Variants in ALG13 observed in about 807,000 individuals in gnomAD.
The protein encoded by ALG13 is ALG13 UDP-N-acetylglucosaminyltransferase subunit, also known as UDP-N-acetylglucosamine transferase subunit ALG13.
ALG13 carries 11 observed loss-of-function variants against 87.8 expected under a neutral mutation model. That is an observed-to-expected ratio of 0.13 (90% confidence interval 0.08 to 0.21). ALG13 has a LOEUF of 0.21. Among genes scored for constraint, ALG13 ranks in the 10% least tolerant of loss-of-function variants. The pLI is 1.00. For missense variants in ALG13, 756 were observed against 866.1 expected, an observed-to-expected ratio of 0.87 and a Z score of 1.60; for synonymous variants, 320 against 306.3, an observed-to-expected ratio of 1.04 and a Z score of -0.47.
intron 3 of ALG13, among the ~76,000 whole-genome samples, chrX:111,703,915 C>A (rs181500082): frequency 2.7e-5 from 3 of 111,993 alleles, no homozygotes; most frequent in East Asian, 5.6e-4. Context: ...TAATTCTGTT[C>A]AATTTTATAA....
In ALG13 at chrX:111,757,653, A is replaced by G. The variant is rs183032531; in HGVS notation, c.3039A>G (p.Val1013=). The G allele has an allele frequency of 6.3e-4, 766 of 1,207,045 alleles. 5 individuals are homozygous for G. In the African/African-American group the frequency reaches 0.012, roughly 19 times the overall value. ...YVPQMQQQLH[V]ENYPVYTEPP... The stretch of plus-strand genomic sequence containing the variant: ...CACAGATGCAGCAGCAGCTTCATGT[A>G]GAGAATTATCCAGTCTATACTGAGC... The change falls in exon 26 of 27, where the codon GTA becomes GTG. Residue 1013 remains valine (V), a synonymous_variant. Transcript: ENST00000394780.
intron 3 of ALG13, among the ~76,000 whole-genome samples, chrX:111,701,274 A>G (rs983153224): frequency 1.5e-4 from 17 of 112,072 alleles, no homozygotes; most frequent in Admixed American, 1.3e-3. Flanking sequence ...GAAAGAGCTT[A>G]AGAAGGATTG....
At chrX:111,690,425 G>A in intron 3 of ALG13, 1 of 745,337 alleles carries the variant, frequency 1.3e-6, no homozygotes, top group Non-Finnish European at 1.6e-6. Flanking sequence ...GTTTTGGGAT[G>A]ACCTTGGGAA....
chrX:111,725,150 A>G (rs1293493516), intron 15 of ALG13, 89 bp downstream of exon 15: 20 of 1,043,629 alleles, frequency 1.9e-5, no homozygotes, highest in South Asian at 1.4e-4. Context: ...AATGTATGTC[A>G]TATGTCTTGT....
In ALG13 at chrX:111,728,295, G is replaced by T. The variant is rs748925810; in HGVS notation, c.2358G>T (p.Gln786His). The part of the protein sequence containing the change: ...QTLNLEEGNG[Q>H]SENGRYHEEY... ...TGAATTTAGAGGAGGGCAATGGCCA[G>T]AGTGAAAATGGTGAGTCAATTACAG... is the stretch of plus-strand genomic sequence containing the variant. The change falls in exon 19 of 27, where the codon CAG becomes CAT. Residue 786 changes from glutamine (Q) to histidine (H), a missense_variant. Around this residue, in one of 9 missense-constraint regions of ALG13, gnomAD observed 362 missense variants for 383.5 expected, o/e 0.94. Coordinates refer to ENST00000394780, the MANE Select transcript of ALG13 (RefSeq NM_001099922.3). 2.1e-5 allele frequency: 25 copies of T among 1,209,984 alleles called. No individual in the cohort carries two copies. The East Asian group carries it at 7.4e-4, about 36-fold the overall frequency.
At chrX:111,734,944 T>C in intron 21 of ALG13, 107 bp from the exon 22 acceptor site, 1 of 530,960 alleles carries the variant, frequency 1.9e-6, no homozygotes, top group Non-Finnish European at 3.1e-6. Flanking sequence ...ACTTCCAAAT[T>C]TGAATTTTTT....
rs1934561313 is a variant in ALG13, at chrX:111,684,966, T to G, written c.246T>G (p.Gly82=). 4.2e-6 allele frequency: 5 copies of G among 1,203,746 alleles called. No individual in the cohort carries two copies. The Admixed American group carries it at 9.0e-5, about 22-fold the overall frequency. Residue 82 remains glycine, a splice_region_variant and synonymous_variant, in exon 3 of 27, where the codon GGT becomes GGG. Transcript: ENST00000394780. ...AACAAATTTGATTTATATTTGTAGG[T>G]GCAGGAAGCTGTTTGGAGACTCTGG... is the stretch of plus-strand genomic sequence containing the variant. ...QKADLVISHA[G]AGSCLETLEK...
rs147549747 is a variant in ALG13, at chrX:111,688,988, A to G, written c.383+3885A>G. Reference sequence around the variant, plus strand: ...CTATAAAGACCTCTCTTCCATTCCAATCATATTATCCCAACATGCTAAATG... The same window carrying G: ...CTATAAAGACCTCTCTTCCATTCCAGTCATATTATCCCAACATGCTAAATG... On this transcript the variant is annotated intron_variant, in intron 3 of 26. Coordinates refer to ENST00000394780, the MANE Select transcript of ALG13 (RefSeq NM_001099922.3). 13,453 of 739,979 alleles carry G rather than the reference A, an allele frequency of 0.018. 1,319 individuals are homozygous for G. The African/African-American group carries it at 0.28, about 15-fold the overall frequency. The allele number at this position is 739,979 out of a possible 1,213,427, so 61.0% of individuals were successfully genotyped here.
intron 14 of ALG13, 77 bp downstream of exon 14, chrX:111,723,975 AC>A: frequency 1.6e-6 from 1 of 636,877 alleles, no homozygotes; most frequent in Non-Finnish European, 2.4e-6. Flanking sequence ...ATTGAGAATT[AC>A]CAGGATGCTA....
rs1939247239 is a variant in ALG13, at chrX:111,708,951, T to C, written c.751-14T>C. 6.1e-6 allele frequency: 7 copies of C among 1,147,069 alleles called. No individual in the cohort carries two copies. In the East Asian group the frequency reaches 2.2e-4, roughly 36 times the overall value. The allele number at this position is 1,147,069 out of a possible 1,213,427, so 94.5% of individuals were successfully genotyped here. The stretch of plus-strand genomic sequence containing the variant: ...TGACTACTGACAGTGGGCTGGTCTT[T>C]CTCTTCTTTTTAGTTGTTTTGCAGC... On this transcript the variant is annotated splice_polypyrimidine_tract_variant and intron_variant, in intron 4 of 26. Coordinates refer to ENST00000394780, the MANE Select transcript of ALG13 (RefSeq NM_001099922.3).
At chrX:111,757,393 T>C (rs1354603646) in intron 25 of ALG13, 195 bp from the exon 26 acceptor site, 11 of 330,509 alleles carry the variant, frequency 3.3e-5, no homozygotes, top group Non-Finnish European at 1.6e-5. Context: ...GAGATACAAA[T>C]GCTGCAAAAG....
In ALG13 at chrX:111,725,209, A is replaced by C. The variant is rs1425590813; in HGVS notation, c.1729+148A>C. 4 of 691,905 alleles carry C rather than the reference A, an allele frequency of 5.8e-6. No homozygotes were observed. In the East Asian group the frequency reaches 1.5e-4, roughly 26 times the overall value. 57.0% of individuals were successfully genotyped at this position (691,905 alleles called of 1,213,427 possible). On this transcript the variant is annotated intron_variant, in intron 15 of 26. Coordinates refer to ENST00000394780, the MANE Select transcript of ALG13 (RefSeq NM_001099922.3). The stretch of plus-strand genomic sequence containing the variant: ...TAGCATTACTGATAATGGAATGGAT[A>C]CTACTTCACTGTCGGGGGTTTGTCC...
In ALG13 at chrX:111,757,698, C is replaced by T. The variant is rs758300150; in HGVS notation, c.3084C>T (p.Thr1028=). The T allele has an allele frequency of 8.3e-7, 1 of 1,208,049 alleles. No individual in the cohort carries two copies. The highest frequency in any genetic ancestry group is 1.1e-6 in the Non-Finnish European group (1 of 894,154). The change falls in exon 26 of 27, where the codon ACC becomes ACT. Residue 1028 remains threonine, a synonymous_variant. Transcript: ENST00000394780. ...CTGAGCCACCTCTGGTAGATCAAAC[C>T]GTTCCTCAATGCTACAGTGAGGTGA... ...VYTEPPLVDQ[T]VPQCYSEVRR...
intron 3 of ALG13, among the ~76,000 whole-genome samples, chrX:111,703,013 T>C (rs1185202187): frequency 9.0e-6 from 1 of 111,301 alleles, no homozygotes; most frequent in African/African-American, 3.3e-5. Context: ...GTGTATAAAC[T>C]GTTCTTCTTC....
intron 3 of ALG13, chrX:111,689,583 A>G (rs1935770024): frequency 2.7e-6 from 2 of 753,673 alleles, no homozygotes; most frequent in African/African-American, 2.3e-5. Flanking sequence ...CCTTTTGTGG[A>G]ATTTTGTATC....
At chrX:111,704,271 G>A (rs1938374642) in intron 3 of ALG13, among the ~76,000 whole-genome samples, 1 of 111,550 alleles carries the variant, frequency 9.0e-6, no homozygotes, top group South Asian at 3.7e-4. Flanking sequence ...AATGTAAAAT[G>A]GTGCAGTTGC....
At chrX:111,734,469 T>G (rs1050772340) in intron 21 of ALG13, 1 of 112,143 alleles carries the variant, frequency 8.9e-6, no homozygotes, top group African/African-American at 3.2e-5. Flanking sequence ...GTGATTACCT[T>G]TCCCTGTTCT....
At chrX:111,727,534 A>G in intron 17 of ALG13, 80 bp from the exon 18 acceptor site, 2 of 1,103,439 alleles carry the variant, frequency 1.8e-6, no homozygotes, top group Non-Finnish European at 2.4e-6. Context: ...ACTTTGAGAT[A>G]TTTGAACTGT....
At position 111,718,250 on chromosome X, in the gene ALG13, A is replaced by G. The variant is rs376210953; in HGVS notation, c.1226A>G (p.Asp409Gly). Residue 409 changes from aspartate to glycine, a missense_variant, in exon 10 of 27, where the codon GAT (aspartate) becomes GGT (glycine). Asp to Gly is a moderately conservative substitution (Grantham distance 94). Around this residue, in one of 9 missense-constraint regions of ALG13, gnomAD observed 48 missense variants for 50.5 expected, o/e 0.95. Coordinates refer to ENST00000394780, the MANE Select transcript of ALG13 (RefSeq NM_001099922.3). ...AVTGSEDAHTDYKSSNQNRME... is the reference protein window; with the variant it reads ...AVTGSEDAHTGYKSSNQNRME... ...ACTGGAAGCGAGGATGCCCATACTG[A>G]TTACAAGAGTTCAAATCAGAATAGG... 8.4e-7 allele frequency: 1 copy of G among 1,192,997 alleles called. No individual in the cohort carries two copies. Among genetic ancestry groups the G allele is most frequent in the African/African-American group, 1.8e-5 (1 of 56,799 alleles).
Sources: allele counts gnomAD v4.1 joint callset (sites outside exome capture counted in the v4.1 genomes callset), GRCh38; gene constraint gnomAD v4.1.1; regional missense constraint gnomAD v4.1.1; transcripts MANE v1.5; gene names NCBI Gene and HGNC (gene_info 2026-07-23, HGNC 2026-07-21).